TMEM154: variants seen among roughly 807,000 people sequenced by gnomAD.
TMEM154 encodes the protein transmembrane protein 154.
TMEM154 carries 27 observed loss-of-function variants against 24.5 expected under a neutral mutation model. The observed-to-expected ratio is 1.10, with a 90% CI of 0.81 to 1.52. The LOEUF (loss-of-function observed/expected upper bound fraction) is 1.52, where lower values mean the gene tolerates loss of function less well. Ranked by LOEUF, TMEM154 falls within the 40% of genes most tolerant of loss-of-function variation. The probability of loss-of-function intolerance (pLI) is 0.00; values close to 1 mark genes in which losing one functional copy is unlikely to be tolerated. For synonymous variants in TMEM154, 67 were observed against 76.8 expected, an observed-to-expected ratio of 0.87 and a Z score of 0.67; for missense variants, 228 against 213.4, an observed-to-expected ratio of 1.07 and a Z score of -0.43.
intron 6 of TMEM154, among the ~76,000 whole-genome samples, chr4:152,631,965 C>T (rs528804825): frequency 5.3e-5 from 8 of 151,776 alleles, no homozygotes; most frequent in East Asian, 3.9e-4. Flanking sequence ...CCACCATGCC[C>T]GGCTAATTTT....
intron 3 of TMEM154, chr4:152,646,692 C>A: frequency 2.4e-6 from 1 of 409,082 alleles, no homozygotes; most frequent in Admixed American, 4.2e-5. Flanking sequence ...TCCTACTTCC[C>A]CCCCACTTAG....
At chr4:152,631,793 C>CTT (rs34455123) in intron 6 of TMEM154, among the ~76,000 whole-genome samples, 7 of 61,432 alleles carry the variant, frequency 1.1e-4, no homozygotes, top group African/African-American at 4.3e-4. Context: ...ATCTATCCCC[C>CTT]TTTTTTTTTT....
chr4:152,664,227 A>G (rs28373254), intron 1 of TMEM154, among the ~76,000 whole-genome samples: 13,119 of 152,268 alleles, frequency 0.086, 632 homozygotes, highest in African/African-American at 0.094. Flanking sequence ...CTTTGCAAGG[A>G]CATGGATGAA....
chr4:152,620,067 CTATAT>C lies in TMEM154; in HGVS notation c.*8474_*8478del, dbSNP rs1385814666. 10 of 152,186 alleles carry C rather than the reference CTATAT, an allele frequency of 6.6e-5. No homozygotes were observed. Among genetic ancestry groups the C allele is most frequent in the African/African-American group, 2.4e-4 (10 of 41,422 alleles). 9.4% of individuals were successfully genotyped at this position (152,186 alleles called of 1,614,324 possible). ...GCTGATTTTGCTGTTCTCCACACTC[CTATAT>C]ACATTCTAGGCTGGAGTATCCTGCA... On this transcript the variant is annotated 3_prime_UTR_variant, in exon 7 of 7. Transcript: ENST00000304385.
chr4:152,650,971 C>T (rs929172435), intron 3 of TMEM154, among the ~76,000 whole-genome samples: 2 of 152,206 alleles, frequency 1.3e-5, no homozygotes, highest in African/African-American at 4.8e-5. Flanking sequence ...AACAAATGTG[C>T]TAACATCCAG....
rs1561039221 is a variant in TMEM154, at chr4:152,618,793, A to AAATAC, written c.*9748_*9752dup. The AAATAC allele has an allele frequency of 6.6e-6, 1 of 152,238 alleles. No homozygotes were observed. Among genetic ancestry groups the AAATAC allele is most frequent in the Non-Finnish European group, 1.5e-5 (1 of 68,046 alleles). The allele number at this position is 152,238 out of a possible 1,614,324, so 9.4% of individuals were successfully genotyped here. A position where few individuals can be genotyped will look rare whatever the true frequency, so the allele number is the denominator to read the frequency against. On this transcript the variant is annotated 3_prime_UTR_variant, in exon 7 of 7. Coordinates refer to ENST00000304385, the MANE Select transcript of TMEM154 (RefSeq NM_152680.3). ...TCCATATTGGATTTAATGTAGCTAAAAATACAATACAATACACACAATAGG... is the reference window on the plus strand; with the variant it reads ...TCCATATTGGATTTAATGTAGCTAAAAATACAATACAATACAATACACACAATAGG...
intron 1 of TMEM154, among the ~76,000 whole-genome samples, chr4:152,678,931 G>T (rs895757259): frequency 1.3e-5 from 2 of 152,194 alleles, no homozygotes; most frequent in Admixed American, 6.5e-5. Flanking sequence ...CATCTGTTAG[G>T]TTGGGGCTGA....
At chr4:152,638,815 A>G (rs534885745) in intron 6 of TMEM154, among the ~76,000 whole-genome samples, 82 of 152,356 alleles carry the variant, frequency 5.4e-4, no homozygotes, top group African/African-American at 2.0e-3. Flanking sequence ...GAGAGGGCAT[A>G]AAGTGAAGGC....
chr4:152,673,883 C>T (rs978112002), intron 1 of TMEM154, among the ~76,000 whole-genome samples: 1 of 151,984 alleles, frequency 6.6e-6, no homozygotes, highest in Non-Finnish European at 1.5e-5. Flanking sequence ...TATCTTTTGA[C>T]TGCACATTTG....
intron 1 of TMEM154, among the ~76,000 whole-genome samples, chr4:152,663,379 CAG>C (rs1488254437): frequency 2.0e-5 from 3 of 152,172 alleles, no homozygotes; most frequent in Admixed American, 1.3e-4. Context: ...AAATAGGACA[CAG>C]GGTTAGAGGG....
intron 4 of TMEM154, among the ~76,000 whole-genome samples, chr4:152,643,577 C>T (rs1752298556): frequency 6.6e-6 from 1 of 152,128 alleles, no homozygotes; most frequent in South Asian, 2.1e-4. Context: ...GATCAGTGCC[C>T]CAGGTCAAGA....
Position 152,625,016 on chromosome 4 carries a change from T to C in TMEM154, c.*3530A>G, listed in dbSNP as rs2149775631. 1 of 152,344 alleles carries C rather than the reference T, an allele frequency of 6.6e-6. No individual in the cohort carries two copies. Among genetic ancestry groups the C allele is most frequent in the South Asian group, 2.1e-4 (1 of 4,830 alleles). The allele number at this position is 152,344 out of a possible 1,614,324, so 9.4% of individuals were successfully genotyped here. On this transcript the variant is annotated 3_prime_UTR_variant, in exon 7 of 7. Transcript: ENST00000304385. Reference sequence around the variant, plus strand: ...CCAGCATGAAACCATGTCTTATCACTCCACCAGATTCAGAATTGGTACTAA... The same window carrying C: ...CCAGCATGAAACCATGTCTTATCACCCCACCAGATTCAGAATTGGTACTAA...
In TMEM154 at chr4:152,628,393, G is replaced by T; in HGVS notation, c.*153C>A. ...CCAAGTGCAAGTGATGCCATCATTAGGAAGAGTGGGCGTTGGAAGAAACAG... is the reference window on the plus strand; with the variant it reads ...CCAAGTGCAAGTGATGCCATCATTATGAAGAGTGGGCGTTGGAAGAAACAG... On this transcript the variant is annotated 3_prime_UTR_variant, in exon 7 of 7. Transcript: ENST00000304385. 8.0e-7 allele frequency: 1 copy of T among 1,256,834 alleles called. No individual in the cohort carries two copies. The highest frequency in any genetic ancestry group is 1.1e-6 in the Non-Finnish European group (1 of 875,444). The allele number at this position is 1,256,834 out of a possible 1,614,324, so 77.9% of individuals were successfully genotyped here. A position where few individuals can be genotyped will look rare whatever the true frequency, so the allele number is the denominator to read the frequency against.
At chr4:152,644,928 T>A (rs1452059599) in intron 3 of TMEM154, among the ~76,000 whole-genome samples, 1 of 152,222 alleles carries the variant, frequency 6.6e-6, no homozygotes, top group Non-Finnish European at 1.5e-5. Flanking sequence ...ATTTTCCTTT[T>A]ACCCCTGCTC....
At chr4:152,651,488 T>G (rs1315773100) in intron 3 of TMEM154, among the ~76,000 whole-genome samples, 3 of 152,260 alleles carry the variant, frequency 2.0e-5, no homozygotes, top group Non-Finnish European at 4.4e-5. Flanking sequence ...AAATGGCTTT[T>G]TCCCTTAAAC....
rs148717185 is a variant in TMEM154, at chr4:152,673,341, C to T, written c.64+6529G>A. 4.0e-3 allele frequency among the ~76,000 whole-genome samples: 608 copies of T among 152,082 alleles called. 1 individual carries two copies. Among genetic ancestry groups the T allele is most frequent in the African/African-American group, 0.014 (587 of 41,492 alleles). On this transcript the variant is annotated intron_variant, in intron 1 of 6. Coordinates refer to ENST00000304385, the MANE Select transcript of TMEM154 (RefSeq NM_152680.3). ...TTTGAGACAGAATCTCACTCTGTTG[C>T]CCAGTCTGGAGTGAAGTGGCACAAT... is the stretch of plus-strand genomic sequence containing the variant.
chr4:152,667,517 G>C lies in TMEM154; in HGVS notation c.64+12353C>G, dbSNP rs75871700. ...TCTCTCTGGGAGCAGGACTCGAGAA[G>C]AGGAGGGATTGCTGTTTTCTTATAA... On this transcript the variant is annotated intron_variant, in intron 1 of 6. Transcript: ENST00000304385. 2.8e-4 allele frequency among the ~76,000 whole-genome samples: 42 copies of C among 152,314 alleles called. No individual in the cohort carries two copies. The East Asian group carries it at 7.7e-3, about 28-fold the overall frequency.
intron 3 of TMEM154, among the ~76,000 whole-genome samples, chr4:152,650,742 C>A (rs1400032723): frequency 6.6e-6 from 1 of 152,134 alleles, no homozygotes; most frequent in African/African-American, 2.4e-5. Context: ...ATGTCTTAAA[C>A]AATAAGACTT....
chr4:152,649,408 T>C (rs1728330875), intron 3 of TMEM154, among the ~76,000 whole-genome samples: 1 of 152,242 alleles, frequency 6.6e-6, no homozygotes, highest in Admixed American at 6.5e-5. Flanking sequence ...AACTGAATAC[T>C]CTCAAAGTGG....
Sources: allele counts gnomAD v4.1 joint callset (sites outside exome capture counted in the v4.1 genomes callset), GRCh38; gene constraint gnomAD v4.1.1; transcripts MANE v1.5; gene names NCBI Gene and HGNC (gene_info 2026-07-23, HGNC 2026-07-21).